NLRC5: variants seen among roughly 807,000 people sequenced by gnomAD.
NLRC5 encodes the protein NLR family CARD domain containing 5, also known as protein NLRC5.
NLRC5 carries 114 observed loss-of-function variants against 206.9 expected under a neutral mutation model. The observed-to-expected ratio is 0.55, with a 90% CI of 0.47 to 0.64. NLRC5 has a LOEUF of 0.64. Among genes scored for constraint, NLRC5 ranks in the 30% least tolerant of loss-of-function variants. The probability of loss-of-function intolerance (pLI) is 0.00; values close to 1 mark genes in which losing one functional copy is unlikely to be tolerated. For missense variants in NLRC5, 2,008 were observed against 2,305.5 expected (o/e 0.87, Z 2.64); for synonymous variants, 952 against 962.8 (o/e 0.99, Z 0.21).
At chr16:57,082,088 C>T (rs554671777) in intron 48 of NLRC5, among the ~76,000 whole-genome samples, 1 of 152,326 alleles carries the variant, frequency 6.6e-6, no homozygotes, top group African/African-American at 2.4e-5. Context: ...CCTTGTTCTA[C>T]CAAAATCATA....
intron 18 of NLRC5, 120 bp downstream of exon 18, chr16:57,041,694 AC>A (rs1373420951): frequency 1.3e-6 from 1 of 788,002 alleles, no homozygotes; most frequent in Non-Finnish European, 2.1e-6. Flanking sequence ...GAAGTCAGAA[AC>A]CCCTTGGAGA....
chr16:57,012,622 C>T (rs1486268537), intron 1 of NLRC5, among the ~76,000 whole-genome samples: 2 of 152,116 alleles, frequency 1.3e-5, no homozygotes, highest in Non-Finnish European at 2.9e-5. Flanking sequence ...ATCTAGGTTG[C>T]GAGTTTCTGA....
At chr16:57,079,321 G>T (rs761503564) in intron 45 of NLRC5, 29 bp downstream of exon 45, 7 of 1,607,286 alleles carry the variant, frequency 4.4e-6, no homozygotes, top group Non-Finnish European at 6.0e-6. Context: ...CTGCCTAGGG[G>T]ACCAGTGGCA....
chr16:57,082,728 A>T lies in NLRC5; in HGVS notation c.*200A>T. The T allele has an allele frequency of 1.9e-6, 1 of 540,428 alleles. No individual in the cohort carries two copies. The highest frequency in any genetic ancestry group is 3.3e-6 in the Non-Finnish European group (1 of 303,954). 33.5% of individuals were successfully genotyped at this position (540,428 alleles called of 1,614,324 possible). A position where few individuals can be genotyped will look rare whatever the true frequency, so the allele number is the denominator to read the frequency against. ...ACCAGGAGCTGGGTCTGGACAAAGG[A>T]GTACCCTGCATTACGTGGGATATGT... On this transcript the variant is annotated 3_prime_UTR_variant, in exon 49 of 49. Transcript: ENST00000688547.
Position 57,083,041 on chromosome 16 carries a change from G to T in NLRC5, c.*513G>T. ...TTTTTAAAGCAAATACATATTTATA[G>T]ATTGTGTGTATGGAGCAGCTAAGTC... On this transcript the variant is annotated 3_prime_UTR_variant, in exon 49 of 49. Transcript: ENST00000688547. 1 of 152,552 alleles carries T rather than the reference G, an allele frequency of 6.6e-6. No individual in the cohort carries two copies. Among genetic ancestry groups the T allele is most frequent in the East Asian group, 1.9e-4 (1 of 5,212 alleles). 9.4% of individuals were successfully genotyped at this position (152,552 alleles called of 1,614,324 possible). A position where few individuals can be genotyped will look rare whatever the true frequency, so the allele number is the denominator to read the frequency against.
intron 17 of NLRC5, 124 bp downstream of exon 17, chr16:57,040,842 C>A: frequency 1.1e-6 from 1 of 914,126 alleles, no homozygotes; most frequent in Non-Finnish European, 1.7e-6. Flanking sequence ...CCTGCTGTGT[C>A]CAGGGGTCAT....
At chr16:57,045,601 C>A in intron 21 of NLRC5, 109 bp downstream of exon 21, 1 of 978,388 alleles carries the variant, frequency 1.0e-6, no homozygotes, top group Non-Finnish European at 1.6e-6. Flanking sequence ...CTCAGTTAAA[C>A]CACCCAAGTC....
intron 24 of NLRC5, chr16:57,053,005 G>C (rs2065136211): frequency 6.6e-6 from 1 of 152,208 alleles, no homozygotes; most frequent in African/African-American, 2.4e-5. Context: ...TAGTGCTTGT[G>C]GCCCTACTGT....
In NLRC5 at chr16:57,037,321, C is replaced by A. The variant is rs539459254; in HGVS notation, c.2801+37C>A. 207 of 1,548,996 alleles carry A rather than the reference C, an allele frequency of 1.3e-4. 1 individual carries two copies. In the East Asian group the frequency reaches 2.7e-3, roughly 20 times the overall value. On this transcript the variant is annotated intron_variant, in intron 15 of 48. Transcript: ENST00000688547. ...CTCAGACCACGGTACCCATCCCCCC[C>A]CCCATCATGCTCTCTCTGAAGCCCT...
intron 17 of NLRC5, among the ~76,000 whole-genome samples, chr16:57,041,145 A>G (rs1328889326): frequency 1.3e-5 from 2 of 150,918 alleles, no homozygotes; most frequent in East Asian, 3.9e-4. Flanking sequence ...TGTTTCTCTC[A>G]TTTCTTCCCT....
At chr16:57,041,960 C>A in intron 18 of NLRC5, 22 bp from the exon 19 acceptor site, 1 of 1,537,462 alleles carries the variant, frequency 6.5e-7, no homozygotes. Context: ...AATGTTCTCC[C>A]CTCCCTTCTC....
intron 1 of NLRC5, among the ~76,000 whole-genome samples, chr16:56,993,456 ATACG>A (rs2142111273): frequency 6.6e-6 from 1 of 152,236 alleles, no homozygotes; most frequent in East Asian, 1.9e-4. Flanking sequence ...ATCATTTTTC[ATACG>A]TGGGAGTGAA....
chr16:57,018,038 T>C (rs180859696), intron 2 of NLRC5, among the ~76,000 whole-genome samples: 1 of 152,358 alleles, frequency 6.6e-6, no homozygotes, highest in East Asian at 1.9e-4. Context: ...GATAGAACAC[T>C]AATGATGGAA....
rs117011262 is a variant in NLRC5, at chr16:57,037,634, A to G, written c.2801+350A>G. Among the ~76,000 whole-genome samples the G allele has an allele frequency of 2.0e-3, 297 of 152,258 alleles. 7 individuals carry two copies. The East Asian group carries it at 0.053, about 27-fold the overall frequency. On this transcript the variant is annotated intron_variant, in intron 15 of 48. Transcript: ENST00000688547. Reference sequence around the variant, plus strand: ...AGCTCCCTGGGAGACTAGGCCAAGGACTTGCTCCGTTTGGCTTCCCTCAGT... The same window carrying G: ...AGCTCCCTGGGAGACTAGGCCAAGGGCTTGCTCCGTTTGGCTTCCCTCAGT...
rs932172965 is a variant in NLRC5 at position 56,996,262 on chromosome 16, C to T, written c.-128+6645C>T. Among the ~76,000 whole-genome samples the T allele has an allele frequency of 3.3e-5, 5 of 152,192 alleles. No homozygotes were observed. In the East Asian group the frequency reaches 9.6e-4, roughly 29 times the overall value. ...CTCCGTGCATAGTTTCCTGCAGCCTCTATTTCCCAGGCTCAATCGATCCTC... is the reference window on the plus strand; with the variant it reads ...CTCCGTGCATAGTTTCCTGCAGCCTTTATTTCCCAGGCTCAATCGATCCTC... On this transcript the variant is annotated intron_variant, in intron 1 of 48. Coordinates refer to ENST00000688547, the MANE Select transcript of NLRC5 (RefSeq NM_001384950.1).
chr16:57,052,227 C>T (rs1016139658), intron 24 of NLRC5, among the ~76,000 whole-genome samples: 4 of 152,204 alleles, frequency 2.6e-5, no homozygotes, highest in Admixed American at 1.3e-4. Context: ...AATCCCGGCA[C>T]TTTGGGAGGC....
At chr16:57,058,909 G>A in intron 28 of NLRC5, 63 bp from the exon 29 acceptor site, 1 of 1,342,818 alleles carries the variant, frequency 7.4e-7, no homozygotes. Flanking sequence ...GATGGAGGGG[G>A]CTGGGCAGGG....
Position 57,041,554 on chromosome 16 carries a change from C to T in NLRC5, c.3009C>T (p.His1003=), listed in dbSNP as rs1173338492. ...QLCKALGGSC[H]LGHLHLDFSG... is the part of the protein sequence containing the mutation. ...GCAAGGCTCTGGGAGGAAGCTGCCA[C>T]CTCGGTCACCTCCACCTCGAGTGAG... The change falls in exon 18 of 49, where the codon CAC becomes CAT. Residue 1003 remains histidine (H), a synonymous_variant. Coordinates refer to ENST00000688547, the MANE Select transcript of NLRC5 (RefSeq NM_001384950.1). The T allele has an allele frequency of 5.0e-6, 8 of 1,613,984 alleles. No homozygotes were observed. Among genetic ancestry groups the T allele is most frequent in the African/African-American group, 1.3e-5 (1 of 74,906 alleles).
At chr16:57,023,921 C>T in intron 5 of NLRC5, 68 bp downstream of exon 5, 2 of 1,426,942 alleles carry the variant, frequency 1.4e-6, no homozygotes, top group South Asian at 2.4e-5. Flanking sequence ...GACCCGGACC[C>T]TGGACCTTGT....
Sources: allele counts gnomAD v4.1 joint callset (sites outside exome capture counted in the v4.1 genomes callset), GRCh38; gene constraint gnomAD v4.1.1; transcripts MANE v1.5; gene names NCBI Gene and HGNC (gene_info 2026-07-23, HGNC 2026-07-21).